PPP1R12B: variants seen among roughly 807,000 people sequenced by gnomAD.
The protein encoded by PPP1R12B is myosin phosphatase target subunit 2.
PPP1R12B carries 76 observed loss-of-function variants against 126.1 expected under a neutral mutation model. That is an observed-to-expected ratio of 0.60 (90% confidence interval 0.50 to 0.73). The LOEUF is 0.73. Ranked by LOEUF, PPP1R12B falls within the 30% of genes least tolerant of loss-of-function variation. The probability of loss-of-function intolerance (pLI) is 0.00; values close to 1 mark genes in which losing one functional copy is unlikely to be tolerated. For synonymous variants in PPP1R12B, 356 were observed against 434.7 expected (o/e 0.82, Z 2.25); for missense variants, 1,052 against 1,205.1 (o/e 0.87, Z 1.88).
At chr1:202,422,314 G>C (rs1428576020) in intron 2 of PPP1R12B, among the ~76,000 whole-genome samples, 2 of 152,168 alleles carry the variant, frequency 1.3e-5, no homozygotes, top group African/African-American at 2.4e-5. Flanking sequence ...AAAGTTTAAG[G>C]CTGCATGCCT....
At chr1:202,457,660 G>T (rs1673811665) in intron 13 of PPP1R12B, among the ~76,000 whole-genome samples, 1 of 152,070 alleles carries the variant, frequency 6.6e-6, no homozygotes, top group African/African-American at 2.4e-5. Flanking sequence ...ATTGTTAAGT[G>T]CTGTGGTAAA....
At chr1:202,573,857 T>A (rs1438001351) in intron 23 of PPP1R12B, among the ~76,000 whole-genome samples, 3 of 152,206 alleles carry the variant, frequency 2.0e-5, no homozygotes, top group Non-Finnish European at 2.9e-5. Flanking sequence ...TTTCTCCAGC[T>A]TTTTTGCACA....
At chr1:202,575,634 A>G (rs1689025186) in intron 23 of PPP1R12B, 1 of 152,896 alleles carries the variant, frequency 6.5e-6, no homozygotes, top group Non-Finnish European at 1.5e-5. Flanking sequence ...CTTGGCTGCA[A>G]GAAACATCTA....
chr1:202,444,591 T>TA (rs1434291648), intron 12 of PPP1R12B, among the ~76,000 whole-genome samples: 8 of 152,256 alleles, frequency 5.3e-5, no homozygotes, highest in Non-Finnish European at 4.4e-5. Context: ...TCTCTGGTCT[T>TA]ACTTTTGCTT....
At chr1:202,392,287 T>A (rs1292391741) in intron 1 of PPP1R12B, among the ~76,000 whole-genome samples, 1 of 152,174 alleles carries the variant, frequency 6.6e-6, no homozygotes, top group African/African-American at 2.4e-5. Context: ...TGGAATATTA[T>A]TTAGCCATAA....
In PPP1R12B at chr1:202,508,801, C is replaced by T. The variant is rs550594052; in HGVS notation, c.2490+11979C>T. Among the ~76,000 whole-genome samples the T allele has an allele frequency of 3.3e-5, 5 of 152,188 alleles. No individual in the cohort carries two copies. Among genetic ancestry groups the T allele is most frequent in the Non-Finnish European group, 5.9e-5 (4 of 68,032 alleles). The stretch of plus-strand genomic sequence containing the variant: ...TGATAGGGAAAGCAGATGTTTATAC[C>T]TATTCTCCGGCAGAACATGTTGGTG... On this transcript the variant is annotated intron_variant, in intron 18 of 23. Coordinates refer to ENST00000608999, the MANE Select transcript of PPP1R12B (RefSeq NM_002481.4). The surrounding 1 kb of genome is among the most constrained non-coding windows in gnomAD (Gnocchi z 4.5).
In PPP1R12B at chr1:202,580,682, T is replaced by A. The variant is rs1020468697; in HGVS notation, c.*122T>A. 5 of 778,258 alleles carry A rather than the reference T, an allele frequency of 6.4e-6. No homozygotes were observed. In the Admixed American group the frequency reaches 8.4e-5, roughly 13 times the overall value. The allele number at this position is 778,258 out of a possible 1,614,324, so 48.2% of individuals were successfully genotyped here. A position where few individuals can be genotyped will look rare whatever the true frequency, so the allele number is the denominator to read the frequency against. Reference sequence around the variant, plus strand: ...TTTGGTGGAAGGACACTTCTTTCTATCACCCTCTTCAGTCACCTCTATACA... The same window carrying A: ...TTTGGTGGAAGGACACTTCTTTCTAACACCCTCTTCAGTCACCTCTATACA... On this transcript the variant is annotated 3_prime_UTR_variant, in exon 24 of 24. Transcript: ENST00000608999.
At chr1:202,393,753 G>A (rs1037471399) in intron 1 of PPP1R12B, among the ~76,000 whole-genome samples, 2 of 152,158 alleles carry the variant, frequency 1.3e-5, no homozygotes, top group African/African-American at 2.4e-5. Flanking sequence ...ATCTTTTGCT[G>A]CTATGAACAA....
chr1:202,518,964 G>C (rs1315212253), intron 18 of PPP1R12B, among the ~76,000 whole-genome samples: 1 of 152,172 alleles, frequency 6.6e-6, no homozygotes, highest in Non-Finnish European at 1.5e-5. Context: ...ATATAGCAGC[G>C]TTGATGCAAT....
Position 202,588,861 on chromosome 1 carries a change from AGAT to A in PPP1R12B, c.*8302_*8304del, listed in dbSNP as rs1558412717. On this transcript the variant is annotated 3_prime_UTR_variant, in exon 24 of 24. Coordinates refer to ENST00000608999, the MANE Select transcript of PPP1R12B (RefSeq NM_002481.4). ...TAGATAGATAGATAGATAGATAGAT[AGAT>A]AGATAGATATCAAGGTTCCAAGCTT... The A allele has an allele frequency of 1.4e-5, 2 of 145,348 alleles. No homozygotes were observed. The highest frequency in any genetic ancestry group is 5.5e-5 in the African/African-American group (2 of 36,042). The allele number at this position is 145,348 out of a possible 1,614,324, so 9.0% of individuals were successfully genotyped here.
At chr1:202,378,714 G>C (rs892023989) in intron 1 of PPP1R12B, among the ~76,000 whole-genome samples, 1 of 152,108 alleles carries the variant, frequency 6.6e-6, no homozygotes, top group African/African-American at 2.4e-5. Context: ...TCCTGACCTG[G>C]TGATCCGCCC....
chr1:202,370,600 G>A (rs1660050490), intron 1 of PPP1R12B, among the ~76,000 whole-genome samples: 1 of 151,782 alleles, frequency 6.6e-6, no homozygotes, highest in Non-Finnish European at 1.5e-5. Flanking sequence ...GCAGTGGCAC[G>A]ATCTCAGCTC....
At chr1:202,380,942 G>A (rs1363244408) in intron 1 of PPP1R12B, among the ~76,000 whole-genome samples, 1 of 152,184 alleles carries the variant, frequency 6.6e-6, no homozygotes, top group Non-Finnish European at 1.5e-5. Context: ...GATAGTGCTA[G>A]AATTTATAAA....
intron 1 of PPP1R12B, among the ~76,000 whole-genome samples, chr1:202,385,355 T>C (rs1662954874): frequency 6.6e-6 from 1 of 152,198 alleles, no homozygotes; most frequent in Non-Finnish European, 1.5e-5. Flanking sequence ...TTCTTCTTAG[T>C]TGAGGAAGTG....
chr1:202,528,622 G>C (rs776193406), intron 18 of PPP1R12B, among the ~76,000 whole-genome samples: 1 of 152,170 alleles, frequency 6.6e-6, no homozygotes, highest in Non-Finnish European at 1.5e-5. Flanking sequence ...GAGAATGACA[G>C]AGTTGACAGG....
At chr1:202,440,035 A>T (rs1528167) in intron 10 of PPP1R12B, 23,626 of 153,304 alleles carry the variant, frequency 0.15, 2,370 homozygotes, top group Non-Finnish European at 0.22. Flanking sequence ...GAAAAAAAAA[A>T]TTTTTAACTT....
chr1:202,366,172 G>A (rs148809952), intron 1 of PPP1R12B, among the ~76,000 whole-genome samples: 3 of 152,224 alleles, frequency 2.0e-5, no homozygotes, highest in Non-Finnish European at 4.4e-5. Context: ...CACAGAAGAC[G>A]ACATTTGTGT....
intron 18 of PPP1R12B, among the ~76,000 whole-genome samples, chr1:202,533,547 G>A (rs1292210329): frequency 2.6e-5 from 4 of 152,032 alleles, no homozygotes; most frequent in Non-Finnish European, 5.9e-5. Context: ...TTGAACCCCT[G>A]GGCTCAAGAG....
Position 202,590,513 on chromosome 1 carries a change from T to C in PPP1R12B, c.*9953T>C, listed in dbSNP as rs1157087187. On this transcript the variant is annotated 3_prime_UTR_variant, in exon 24 of 24. Transcript: ENST00000608999. ...ACCATCTCACCACCCTCACCCACCA[T>C]ACTGACCCTCACAGGCAGCTCCCAC... 1 of 151,458 alleles carries C rather than the reference T, an allele frequency of 6.6e-6. No homozygotes were observed. The highest frequency in any genetic ancestry group is 1.5e-5 in the Non-Finnish European group (1 of 67,956). The allele number at this position is 151,458 out of a possible 1,614,324, so 9.4% of individuals were successfully genotyped here.
Sources: allele counts gnomAD v4.1 joint callset (sites outside exome capture counted in the v4.1 genomes callset), GRCh38; gene constraint gnomAD v4.1.1; non-coding constraint Gnocchi (gnomAD v3.1); transcripts MANE v1.5; gene names NCBI Gene and HGNC (gene_info 2026-07-23, HGNC 2026-07-21).